Variants in GMPPA observed in about 807,000 individuals in gnomAD.
GMPPA encodes the protein GDP-mannose pyrophosphorylase A, also known as mannose-1-phosphate guanylyltransferase regulatory subunit alpha.
In GMPPA, 46 loss-of-function variants were observed where a neutral mutation model predicts 58.6. That is an observed-to-expected ratio of 0.78 (90% CI 0.62 to 1.00). GMPPA has a LOEUF of 1.00. GMPPA is among the 50% of genes least tolerant of loss of function. The pLI, the probability that GMPPA is intolerant of heterozygous loss-of-function variation, is 0.00. For missense variants in GMPPA, 468 were observed against 556.4 expected, an observed-to-expected ratio of 0.84 and a Z score of 1.60; for synonymous variants, 211 against 214.9, an observed-to-expected ratio of 0.98 and a Z score of 0.16.
Position 219,505,227 on chromosome 2 carries a change from G to A in GMPPA, c.621-1G>A. The A allele has an allele frequency of 1.2e-6, 2 of 1,613,506 alleles. No homozygotes were observed. The highest frequency in any genetic ancestry group is 1.7e-6 in the Non-Finnish European group (2 of 1,179,470). On this transcript the variant is annotated splice_acceptor_variant, in intron 7 of 12. Transcript: ENST00000313597. LOFTEE classifies it high-confidence loss of function. ...ATGTCAGCATTCTTCCTCTCTGCCAGGGAGGACTCACCAGGCTTGTGGCCA... is the reference window on the plus strand; with the variant it reads ...ATGTCAGCATTCTTCCTCTCTGCCAAGGAGGACTCACCAGGCTTGTGGCCA...
chr2:219,501,998 C>T lies in GMPPA; in HGVS notation c.390C>T (p.His130=). The T allele has an allele frequency of 1.2e-6, 2 of 1,614,228 alleles. No individual in the cohort carries two copies. Among genetic ancestry groups the T allele is most frequent in the Non-Finnish European group, 8.5e-7 (1 of 1,180,042 alleles). The change falls in exon 5 of 13, where the codon CAC becomes CAT. Residue 130 remains histidine, a synonymous_variant. Transcript: ENST00000313597. ...DFPLSAMLEA[H]RRQRHPFLLL... ...CCTTGAGTGCTATGTTGGAAGCCCA[C>T]CGACGCCAGCGTCACCCTTTCTTAC...
chr2:219,501,369 C>G, intron 3 of GMPPA, 107 bp from the exon 4 acceptor site: 2 of 748,040 alleles, frequency 2.7e-6, no homozygotes, highest in Admixed American at 3.8e-5. Flanking sequence ...TGGGGCCCCA[C>G]AGCTGAGACT....
Position 219,500,189 on chromosome 2 carries a change from A to G in GMPPA, c.109A>G (p.Ile37Val), listed in dbSNP as rs1262992855. Residue 37 changes from isoleucine (I) to valine (V), a missense_variant, in exon 3 of 13, where the codon ATC (isoleucine) becomes GTC (valine). Ile to Val is a conservative substitution (Grantham distance 29). Coordinates refer to ENST00000313597, the MANE Select transcript of GMPPA (RefSeq NM_013335.4). ...GTTTCCTGTGGCAGGGGTCCCTATG[A>G]TCCAACACCATATTGAAGCCTGTGC... Reference protein sequence around the residue: ...PLFPVAGVPMIQHHIEACAQV... With the variant: ...PLFPVAGVPMVQHHIEACAQV... The G allele has an allele frequency of 6.3e-7, 1 of 1,580,408 alleles. No individual in the cohort carries two copies. Among genetic ancestry groups the G allele is most frequent in the East Asian group, 2.3e-5 (1 of 44,000 alleles).
At position 219,499,938 on chromosome 2, in the gene GMPPA, C is replaced by T. The variant is rs1199336855; in HGVS notation, c.-20-18C>T. On this transcript the variant is annotated intron_variant, in intron 1 of 12. Transcript: ENST00000313597. ...GGGGTAGGAGATCTGAGCTTGATTT[C>T]TCTGTTGGAATTTGAAGTTTAGGTA... The T allele has an allele frequency of 2.5e-6, 4 of 1,602,898 alleles. No individual in the cohort carries two copies. In the East Asian group the frequency reaches 8.9e-5, roughly 36 times the overall value.
In GMPPA at chr2:219,502,118, G is replaced by C; in HGVS notation, c.429+81G>C. 3 of 1,409,714 alleles carry C rather than the reference G, an allele frequency of 2.1e-6. No homozygotes were observed. The highest frequency in any genetic ancestry group is 1.2e-5 in the South Asian group (1 of 83,232). 87.3% of individuals were successfully genotyped at this position (1,409,714 alleles called of 1,614,324 possible). On this transcript the variant is annotated intron_variant, in intron 5 of 12. Transcript: ENST00000313597. This position sits in a 1 kb window ranked among gnomAD's most constrained non-coding sequence, Gnocchi z 4.0. The stretch of plus-strand genomic sequence containing the variant: ...GGAATTCAGGGTGTTGGGGAGGCAG[G>C]GGCGCCCCGGGAGTTGGTGTGGGAG...
Position 219,506,140 on chromosome 2 carries a change from C to T in GMPPA, c.993+68C>T. 5 of 1,458,586 alleles carry T rather than the reference C, an allele frequency of 3.4e-6. No homozygotes were observed. The South Asian group carries it at 6.2e-5, about 18-fold the overall frequency. 90.4% of individuals were successfully genotyped at this position (1,458,586 alleles called of 1,614,324 possible). On this transcript the variant is annotated intron_variant, in intron 11 of 12. Transcript: ENST00000313597. ...CTGCGGGGAGGGCCCAGGCATCCCCCCAAGAACAGAGAAGGGTGAACGCCG... is the reference window on the plus strand; with the variant it reads ...CTGCGGGGAGGGCCCAGGCATCCCCTCAAGAACAGAGAAGGGTGAACGCCG...
At position 219,502,149 on chromosome 2, in the gene GMPPA, G is replaced by A. The variant is rs1325921071; in HGVS notation, c.429+112G>A. Reference sequence around the variant, plus strand: ...CCCGGGAGTTGGTGTGGGAGCTGGCGTCAGGAGGGAGATGCGCTGCTCTGG... The same window carrying A: ...CCCGGGAGTTGGTGTGGGAGCTGGCATCAGGAGGGAGATGCGCTGCTCTGG... On this transcript the variant is annotated intron_variant, in intron 5 of 12. Transcript: ENST00000313597. This position sits in a 1 kb window ranked among gnomAD's most constrained non-coding sequence, Gnocchi z 4.0. 7 of 1,104,348 alleles carry A rather than the reference G, an allele frequency of 6.3e-6. No homozygotes were observed. Among genetic ancestry groups the A allele is most frequent in the Admixed American group, 5.5e-5 (3 of 54,180 alleles). The allele number at this position is 1,104,348 out of a possible 1,614,324, so 68.4% of individuals were successfully genotyped here.
intron 6 of GMPPA, 86 bp from the exon 7 acceptor site, chr2:219,503,997 G>A: frequency 4.7e-6 from 7 of 1,481,996 alleles, no homozygotes; most frequent in Non-Finnish European, 6.6e-6. Context: ...GGGAGGAGAG[G>A]CAAGAAGGGC....
rs147670240 is a variant in GMPPA at position 219,506,579 on chromosome 2, G to T, written c.1163-119G>T. On this transcript the variant is annotated intron_variant, in intron 12 of 12. Transcript: ENST00000313597. ...CCAGGCCCTGTGTGAGTCACCGGGG[G>T]CATGAGACCAGGGGCACAGATGGGC... The T allele has an allele frequency of 5.3e-3, 5,114 of 969,050 alleles. 18 individuals carry two copies. The highest frequency in any genetic ancestry group is 7.1e-3 in the African/African-American group (439 of 62,126). The allele number at this position is 969,050 out of a possible 1,614,324, so 60.0% of individuals were successfully genotyped here.
Position 219,502,500 on chromosome 2 carries a change from C to T in GMPPA, c.489+59C>T. 7.3e-7 allele frequency: 1 copy of T among 1,368,716 alleles called. No homozygotes were observed. The highest frequency in any genetic ancestry group is 1.0e-6 in the Non-Finnish European group (1 of 960,870). 84.8% of individuals were successfully genotyped at this position (1,368,716 alleles called of 1,614,324 possible). A position where few individuals can be genotyped will look rare whatever the true frequency, so the allele number is the denominator to read the frequency against. On this transcript the variant is annotated intron_variant, in intron 6 of 12. Coordinates refer to ENST00000313597, the MANE Select transcript of GMPPA (RefSeq NM_013335.4). The surrounding 1 kb of genome is among the most constrained non-coding windows in gnomAD (Gnocchi z 4.0). ...CTCTGTGTCATCATCCCCTCTACCT[C>T]AGGCCTCTAGAGAATGCTGGCACAG...
rs768620241 is a variant in GMPPA, at chr2:219,502,349, C to T, written c.430-33C>T. The T allele has an allele frequency of 2.1e-5, 33 of 1,593,700 alleles. No individual in the cohort carries two copies. Among genetic ancestry groups the T allele is most frequent in the Non-Finnish European group, 2.6e-5 (30 of 1,161,748 alleles). On this transcript the variant is annotated intron_variant, in intron 5 of 12. Transcript: ENST00000313597. The surrounding 1 kb of genome is among the most constrained non-coding windows in gnomAD (Gnocchi z 4.0). Reference sequence around the variant, plus strand: ...ACAGACGTGGCTGCCCTGGAGCAGGCGGGTCACTGTCTCGGGTGTGTCTGT... The same window carrying T: ...ACAGACGTGGCTGCCCTGGAGCAGGTGGGTCACTGTCTCGGGTGTGTCTGT...
In GMPPA at chr2:219,505,626, G is replaced by A. The variant is rs762029038; in HGVS notation, c.853+71G>A. 9.5e-6 allele frequency: 15 copies of A among 1,576,528 alleles called. No homozygotes were observed. In the East Asian group the frequency reaches 2.0e-4, roughly 21 times the overall value. On this transcript the variant is annotated intron_variant, in intron 9 of 12. Coordinates refer to ENST00000313597, the MANE Select transcript of GMPPA (RefSeq NM_013335.4). ...CCTCTGAACCAGGATTCTTGACCTC[G>A]AGTCCAGAGTTAAAGCCTCAATCCC...
At chr2:219,504,481 C>T (rs571610845) in intron 7 of GMPPA, 12 of 536,618 alleles carry the variant, frequency 2.2e-5, no homozygotes, top group African/African-American at 1.1e-4. Flanking sequence ...GTCCCAGAGA[C>T]GTCTTTCAGA....
chr2:219,499,126 A>G (rs1235576504), intron 1 of GMPPA, 188 bp downstream of exon 1: 1 of 152,236 alleles, frequency 6.6e-6, no homozygotes, highest in Non-Finnish European at 1.5e-5. Context: ...AGGGTCAGCA[A>G]TCAATCAATC....
At position 219,506,873 on chromosome 2, in the gene GMPPA, A is replaced by T. The variant is rs142317355; in HGVS notation, c.*75A>T. On this transcript the variant is annotated 3_prime_UTR_variant, in exon 13 of 13. Coordinates refer to ENST00000313597, the MANE Select transcript of GMPPA (RefSeq NM_013335.4). ...CTGCCTGCTTGGCCAGCCTCTGTCC[A>T]GAAAGGACCAGAGAAAGCCAGGCTG... 1.1e-3 allele frequency: 816 copies of T among 759,372 alleles called. 7 individuals carry two copies. In the East Asian group the frequency reaches 0.019, roughly 18 times the overall value. 47.0% of individuals were successfully genotyped at this position (759,372 alleles called of 1,614,324 possible). A position where few individuals can be genotyped will look rare whatever the true frequency, so the allele number is the denominator to read the frequency against.
At chr2:219,503,947 C>G (rs907092263) in intron 6 of GMPPA, 136 bp from the exon 7 acceptor site, 2 of 857,806 alleles carry the variant, frequency 2.3e-6, no homozygotes, top group Non-Finnish European at 3.8e-6. Flanking sequence ...CAGTAGGATG[C>G]GGATGCGCAC....
Position 219,501,990 on chromosome 2 carries a change from G to T in GMPPA, c.382G>T (p.Glu128Ter), listed in dbSNP as rs2125629897. Residue 128 changes from glutamate to a stop codon, truncating the protein, a stop_gained, in exon 5 of 13, where the codon GAA becomes TAA. Coordinates refer to ENST00000313597, the MANE Select transcript of GMPPA (RefSeq NM_013335.4). LOFTEE classifies it high-confidence loss of function. ...CSDFPLSAML[E>*]AHRRQRHPFL... ...CGACTTCCCCTTGAGTGCTATGTTG[G>T]AAGCCCACCGACGCCAGCGTCACCC... is the stretch of plus-strand genomic sequence containing the variant. 1 of 1,614,218 alleles carries T rather than the reference G, an allele frequency of 6.2e-7. No individual in the cohort carries two copies. The highest frequency in any genetic ancestry group is 1.1e-5 in the South Asian group (1 of 91,084).
In GMPPA at chr2:219,505,454, C is replaced by G; in HGVS notation, c.756-4C>G. 6.3e-7 allele frequency: 1 copy of G among 1,579,994 alleles called. No individual in the cohort carries two copies. Among genetic ancestry groups the G allele is most frequent in the Non-Finnish European group, 8.6e-7 (1 of 1,161,974 alleles). ...TGAGCCCCTGTCCCCCTTGCGGTCC[C>G]CAGTTCAGCCCTCTACGCCTCCCGC... is the stretch of plus-strand genomic sequence containing the variant. On this transcript the variant is annotated splice_region_variant and splice_polypyrimidine_tract_variant and intron_variant, in intron 8 of 12. Coordinates refer to ENST00000313597, the MANE Select transcript of GMPPA (RefSeq NM_013335.4).
intron 7 of GMPPA, chr2:219,504,966 C>T: frequency 2.1e-6 from 2 of 951,774 alleles, no homozygotes; most frequent in Non-Finnish European, 2.9e-6. Flanking sequence ...ATGGGGGGAA[C>T]TCCTTATGGA....
Sources: allele counts gnomAD v4.1 joint callset, GRCh38; gene constraint gnomAD v4.1.1; non-coding constraint Gnocchi (gnomAD v3.1); transcripts MANE v1.5; gene names NCBI Gene and HGNC (gene_info 2026-07-23, HGNC 2026-07-21).